The following DTNB variants were observed in gnomAD, a reference collection of about 807,000 sequenced individuals.
DTNB encodes dystrobrevin beta.
Under a neutral mutation model 90.7 loss-of-function variants are expected in DTNB, and 63 were observed. The ratio of observed to expected loss-of-function variants is 0.69; its 90% CI spans 0.57 to 0.86. The LOEUF (loss-of-function observed/expected upper bound fraction) is 0.86. Ranked by LOEUF, DTNB falls within the 40% of genes least tolerant of loss-of-function variation. The pLI is 0.00. For missense variants in DTNB, 744 were observed against 807.1 expected (o/e 0.92, Z 0.95); for synonymous variants, 277 against 286.7 (o/e 0.97, Z 0.34).
chr2:25,511,921 GA>G (rs1358199921), intron 9 of DTNB, among the ~76,000 whole-genome samples: 1 of 151,896 alleles, frequency 6.6e-6, no homozygotes, highest in East Asian at 1.9e-4. Context: ...TAACTAAAGG[GA>G]AAAAAGAAGT....
chr2:25,625,051 G>A (rs1398655983), intron 4 of DTNB, among the ~76,000 whole-genome samples: 9 of 152,176 alleles, frequency 5.9e-5, no homozygotes, highest in Non-Finnish European at 8.8e-5. Flanking sequence ...GTTCCTGACC[G>A]TTGTTGTAGG....
intron 9 of DTNB, among the ~76,000 whole-genome samples, chr2:25,489,725 G>A (rs955731005): frequency 6.6e-6 from 1 of 151,978 alleles, no homozygotes; most frequent in Non-Finnish European, 1.5e-5. Context: ...TATGAATAGA[G>A]AGGATTTTCT....
chr2:25,433,257 A>G (rs539575663), intron 13 of DTNB, among the ~76,000 whole-genome samples: 1 of 152,362 alleles, frequency 6.6e-6, no homozygotes, highest in Admixed American at 6.5e-5. Context: ...CAAGAAAGGA[A>G]AATTACAGCC....
chr2:25,596,524 A>G (rs942315697), intron 5 of DTNB: 1 of 199,382 alleles, frequency 5.0e-6, no homozygotes, highest in South Asian at 1.2e-4. Context: ...TAGATGATAT[A>G]TAACTTTTAT....
intron 8 of DTNB, among the ~76,000 whole-genome samples, chr2:25,535,607 G>C (rs2079410823): frequency 7.1e-6 from 1 of 141,664 alleles, no homozygotes; most frequent in East Asian, 2.2e-4. Context: ...TTCCTAGACG[G>C]GGTGGCAGCT....
At chr2:25,425,785 C>T (rs1024612683) in intron 15 of DTNB, among the ~76,000 whole-genome samples, 3 of 152,184 alleles carry the variant, frequency 2.0e-5, no homozygotes, top group Admixed American at 2.0e-4. Flanking sequence ...GAGCAAGTAT[C>T]CTGGTATTGC....
At chr2:25,479,839 C>G (rs534464951) in intron 10 of DTNB, among the ~76,000 whole-genome samples, 1 of 152,150 alleles carries the variant, frequency 6.6e-6, no homozygotes, top group Admixed American at 6.5e-5. Flanking sequence ...CAGTGATTGA[C>G]GTCTTAGGAT....
intron 10 of DTNB, among the ~76,000 whole-genome samples, chr2:25,461,329 GT>G (rs1182580843): frequency 6.6e-6 from 1 of 152,162 alleles, no homozygotes; most frequent in East Asian, 1.9e-4. Flanking sequence ...TGATAATTTT[GT>G]TTGGGGTGTG....
chr2:25,566,741 A>T (rs991605137), intron 8 of DTNB, among the ~76,000 whole-genome samples: 8 of 152,192 alleles, frequency 5.3e-5, no homozygotes, highest in Non-Finnish European at 8.8e-5. Flanking sequence ...AACCACCTGA[A>T]AGGGTTGCAG....
intron 7 of DTNB, 79 bp from the exon 8 acceptor site, chr2:25,577,083 AC>A: frequency 7.1e-7 from 1 of 1,416,696 alleles, no homozygotes; most frequent in East Asian, 2.5e-5. Context: ...ATAAAATTTC[AC>A]TTGGAGAATG....
intron 16 of DTNB, among the ~76,000 whole-genome samples, chr2:25,389,380 G>A (rs368391303): frequency 8.5e-5 from 13 of 152,274 alleles, no homozygotes; most frequent in African/African-American, 2.7e-4. Context: ...CACATGCACT[G>A]CACATGTACA....
chr2:25,573,558 C>T (rs114844972), intron 8 of DTNB, among the ~76,000 whole-genome samples: 1,764 of 152,278 alleles, frequency 0.012, 43 homozygotes, highest in African/African-American at 0.04. Context: ...ATTGCTTGTA[C>T]ACTAGCCAAT....
chr2:25,602,572 C>G (rs960491034), intron 5 of DTNB, among the ~76,000 whole-genome samples: 1 of 152,176 alleles, frequency 6.6e-6, no homozygotes, highest in Non-Finnish European at 1.5e-5. Context: ...CTTCTACAGT[C>G]TGCTAATGAA....
chr2:25,382,474 G>A (rs1042763557), intron 19 of DTNB, among the ~76,000 whole-genome samples: 2 of 142,100 alleles, frequency 1.4e-5, no homozygotes, highest in Non-Finnish European at 3.0e-5. Flanking sequence ...GAAGGATGAA[G>A]ATTAAGAGCA....
chr2:25,559,146 C>T (rs2151178399), intron 8 of DTNB, among the ~76,000 whole-genome samples: 1 of 152,252 alleles, frequency 6.6e-6, no homozygotes, highest in African/African-American at 2.4e-5. Context: ...ATCCAAGACT[C>T]TCACCTGGTT....
chr2:25,634,475 G>C (rs2076681714), intron 3 of DTNB, among the ~76,000 whole-genome samples: 1 of 150,834 alleles, frequency 6.6e-6, no homozygotes, highest in Non-Finnish European at 1.5e-5. Flanking sequence ...CCGTCGGGGA[G>C]GTGAGGGGCG....
Position 25,580,741 on chromosome 2 carries a change from C to G in DTNB, c.689G>C (p.Arg230Thr), listed in dbSNP as rs2061446773. 1 of 1,613,488 alleles carries G rather than the reference C, an allele frequency of 6.2e-7. No homozygotes were observed. The highest frequency in any genetic ancestry group is 8.5e-7 in the Non-Finnish European group (1 of 1,179,628). The change falls in exon 7 of 21, where the codon AGG becomes ACG. Residue 230 changes from arginine to threonine, a missense_variant. By Grantham distance (71) the Arg-to-Thr change is moderately conservative. Transcript: ENST00000406818. ...QCLVWLPLMH[R>T]LAHVENVFHP... ...CTTACCATTCTCAACATGGGCAAGC[C>G]TGTGCATGAGAGGTAGCCAGACAAG... is the stretch of plus-strand genomic sequence containing the variant.
intron 5 of DTNB, among the ~76,000 whole-genome samples, chr2:25,606,399 C>G (rs1291474889): frequency 6.6e-6 from 1 of 152,160 alleles, no homozygotes. Flanking sequence ...ACAGCACTAG[C>G]ACAGGGGAGC....
intron 4 of DTNB, among the ~76,000 whole-genome samples, chr2:25,618,405 T>G (rs1484026764): frequency 6.6e-6 from 1 of 152,216 alleles, no homozygotes; most frequent in Non-Finnish European, 1.5e-5. Flanking sequence ...AAGTTGAAAC[T>G]GAATAATTAG....
Sources: gnomAD v4.1 joint callset for allele counts (sites outside exome capture counted in the v4.1 genomes callset) on GRCh38, gnomAD v4.1.1 for gene constraint, MANE v1.5 for transcripts, NCBI Gene and HGNC (gene_info 2026-07-23, HGNC 2026-07-21) for gene names.